The following PALM2AKAP2 variants were observed in gnomAD, a reference collection of about 807,000 sequenced individuals.
PALM2AKAP2 encodes the protein PALM2 and AKAP2 fusion.
A neutral mutation model predicts 71.5 loss-of-function variants in PALM2AKAP2; 37 were observed. The observed-to-expected ratio is 0.52, with a 90% CI of 0.40 to 0.68. The LOEUF is 0.68. PALM2AKAP2 is among the 30% of genes least tolerant of loss of function. The pLI, the probability that PALM2AKAP2 is intolerant of heterozygous loss-of-function variation, is 0.00. For missense variants in PALM2AKAP2, 1,224 were observed against 1,191.8 expected, an observed-to-expected ratio of 1.03 and a Z score of -0.40; for synonymous variants, 468 against 478.8, an observed-to-expected ratio of 0.98 and a Z score of 0.29.
At chr9:109,663,963 A>G (rs1827439162) in intron 1 of PALM2AKAP2, among the ~76,000 whole-genome samples, 1 of 151,684 alleles carries the variant, frequency 6.6e-6, no homozygotes, top group Non-Finnish European at 1.5e-5. Context: ...GTCTCTTTTG[A>G]TCTTTGTTGG....
At chr9:109,864,195 A>G (rs1441395439) in intron 1 of PALM2AKAP2, among the ~76,000 whole-genome samples, 1 of 152,212 alleles carries the variant, frequency 6.6e-6, no homozygotes, top group Non-Finnish European at 1.5e-5. Flanking sequence ...TAAACATGCT[A>G]ATGCTGCTGC....
intron 6 of PALM2AKAP2, among the ~76,000 whole-genome samples, chr9:109,998,965 C>T (rs1483972945): frequency 3.9e-5 from 6 of 152,240 alleles, no homozygotes; most frequent in Non-Finnish European, 8.8e-5. Flanking sequence ...ATTTAATGAG[C>T]TCCCACTGTG....
chr9:109,794,067 A>G lies in PALM2AKAP2; in HGVS notation c.45+13534A>G, dbSNP rs530694003. Among the ~76,000 whole-genome samples, 122 of 152,334 alleles carry G rather than the reference A, an allele frequency of 8.0e-4. 1 individual carries two copies. The highest frequency in any genetic ancestry group is 3.4e-3 in the Middle Eastern group (1 of 294). On this transcript the variant is annotated intron_variant, in intron 1 of 9. Transcript: ENST00000302798. ...TGAAGGCTCCAGGAGCCTTTTATCT[A>G]AAGAAATCACTATTGCCTCATTGCT...
chr9:109,937,316 G>GA (rs1298909768), intron 6 of PALM2AKAP2, among the ~76,000 whole-genome samples: 2 of 152,122 alleles, frequency 1.3e-5, no homozygotes, highest in African/African-American at 2.4e-5. Flanking sequence ...AGAACCTAGA[G>GA]ACTGGAATTC....
At chr9:110,125,556 A>G (rs2119028480) in intron 1 of PALM2AKAP2, 1 of 985,542 alleles carries the variant, frequency 1.0e-6, no homozygotes, top group African/African-American at 1.7e-5. Flanking sequence ...GGAAAAAGGC[A>G]GTTCTCACTG....
upstream of PALM2AKAP2, among the ~76,000 whole-genome samples, chr9:110,044,680 TA>T (rs1247691713): frequency 5.9e-4 from 89 of 151,110 alleles, no homozygotes; most frequent in Middle Eastern, 3.4e-3. Context: ...TTTTTTTTTT[TA>T]AATTTTCAGC....
At chr9:109,754,773 C>T (rs1314131940) in intron 1 of PALM2AKAP2, among the ~76,000 whole-genome samples, 1 of 152,120 alleles carries the variant, frequency 6.6e-6, no homozygotes, top group Non-Finnish European at 1.5e-5. Context: ...GCACTAATCT[C>T]ATCATGAGGG....
At chr9:110,109,881 C>G (rs1835206994) in intron 1 of PALM2AKAP2, among the ~76,000 whole-genome samples, 1 of 152,066 alleles carries the variant, frequency 6.6e-6, no homozygotes. Flanking sequence ...AGCAATCCCA[C>G]TTCTGGGTAT....
intron 1 of PALM2AKAP2, among the ~76,000 whole-genome samples, chr9:110,076,820 A>G (rs939254117): frequency 3.7e-4 from 57 of 152,260 alleles, no homozygotes; most frequent in African/African-American, 1.3e-3. Flanking sequence ...TATTCATTTG[A>G]AATTGATCCT....
At chr9:110,101,163 T>C (rs1320147584) in intron 1 of PALM2AKAP2, among the ~76,000 whole-genome samples, 1 of 152,170 alleles carries the variant, frequency 6.6e-6, no homozygotes, top group East Asian at 1.9e-4. Flanking sequence ...TGTGTGTCTT[T>C]TTACCAGGTC....
chr9:109,848,051 T>G (rs1325709336), intron 1 of PALM2AKAP2, among the ~76,000 whole-genome samples: 1 of 152,228 alleles, frequency 6.6e-6, no homozygotes, highest in Non-Finnish European at 1.5e-5. Flanking sequence ...TCAGCTGAGT[T>G]GAGTTTGTAA....
At chr9:110,053,499 G>C in intron 1 of PALM2AKAP2, among the ~76,000 whole-genome samples, 1 of 120,192 alleles carries the variant, frequency 8.3e-6, no homozygotes, top group Non-Finnish European at 1.6e-5. Flanking sequence ...CTGCACTCCA[G>C]CCTGGTGACA....
intron 6 of PALM2AKAP2, among the ~76,000 whole-genome samples, chr9:110,003,941 T>A (rs184028211): frequency 1.6e-4 from 24 of 152,294 alleles, no homozygotes; most frequent in African/African-American, 5.5e-4. Context: ...ATGAGGTAGG[T>A]TTCCTGAATA....
intron 6 of PALM2AKAP2, among the ~76,000 whole-genome samples, chr9:109,957,797 A>G (rs1831776773): frequency 6.6e-6 from 1 of 152,232 alleles, no homozygotes. Context: ...GGTAGGGTGA[A>G]GCCTGGCACA....
intron 1 of PALM2AKAP2, among the ~76,000 whole-genome samples, chr9:110,108,533 T>C (rs1016848392): frequency 6.6e-6 from 1 of 152,202 alleles, no homozygotes; most frequent in African/African-American, 2.4e-5. Flanking sequence ...TCAATAACTA[T>C]TGTACTGCCT....
chr9:109,905,101 C>T (rs1830417254), intron 3 of PALM2AKAP2, among the ~76,000 whole-genome samples: 1 of 152,196 alleles, frequency 6.6e-6, no homozygotes. Context: ...CTGCATCATT[C>T]TCGACATAAT....
intron 2 of PALM2AKAP2, among the ~76,000 whole-genome samples, chr9:110,144,831 T>C (rs527557587): frequency 5.9e-5 from 9 of 152,308 alleles, no homozygotes; most frequent in African/African-American, 2.2e-4. Flanking sequence ...TATGAAGAGT[T>C]GTGGACCTGT....
chr9:109,941,145 C>CTTTTTT (rs34635858), intron 6 of PALM2AKAP2, among the ~76,000 whole-genome samples: 6 of 106,256 alleles, frequency 5.6e-5, no homozygotes, highest in Admixed American at 1.0e-4. Flanking sequence ...TCTTCCTCTT[C>CTTTTTT]TTTTTTTTTT....
chr9:109,752,083 T>C (rs1373801664), intron 1 of PALM2AKAP2, among the ~76,000 whole-genome samples: 2 of 152,174 alleles, frequency 1.3e-5, no homozygotes, highest in Non-Finnish European at 2.9e-5. Flanking sequence ...GCACCTACTA[T>C]GTATTGCTAG....
Sources: gnomAD v4.1 joint callset for allele counts (sites outside exome capture counted in the v4.1 genomes callset) on GRCh38, gnomAD v4.1.1 for gene constraint, MANE v1.5 for transcripts, NCBI Gene and HGNC (gene_info 2026-07-23, HGNC 2026-07-21) for gene names.